The following IL21R variants were observed in gnomAD, a reference collection of about 807,000 sequenced individuals.
IL21R encodes the protein interleukin 21 receptor.
In IL21R, 14 loss-of-function variants were observed where a neutral mutation model predicts 41.3. The observed-to-expected ratio is 0.34, with a 90% confidence interval of 0.22 to 0.53. The LOEUF is 0.53. IL21R is among the 20% of genes least tolerant of loss of function. The pLI, the probability that IL21R is intolerant of heterozygous loss-of-function variation, is 0.94. For synonymous variants in IL21R, 286 were observed against 287.6 expected (o/e 0.99, Z 0.05); for missense variants, 588 against 681.6 (o/e 0.86, Z 1.53).
At chr16:27,423,294 A>G (rs2087025547) in intron 1 of IL21R, among the ~76,000 whole-genome samples, 1 of 151,850 alleles carries the variant, frequency 6.6e-6, no homozygotes, top group Non-Finnish European at 1.5e-5. Flanking sequence ...CAGCTACTTC[A>G]TTATAGCCAG....
At chr16:27,443,747 C>T (rs1054583491) in intron 5 of IL21R, among the ~76,000 whole-genome samples, 1 of 150,814 alleles carries the variant, frequency 6.6e-6, no homozygotes. Context: ...CGCGCTACTG[C>T]ACTCTAGCCT....
At chr16:27,439,331 C>T (rs1329846529) in intron 4 of IL21R, among the ~76,000 whole-genome samples, 1 of 151,826 alleles carries the variant, frequency 6.6e-6, no homozygotes, top group Admixed American at 6.6e-5. Context: ...CTCTTGCTCT[C>T]TCTCACTCTC....
chr16:27,448,712 C>T lies in IL21R; in HGVS notation c.1046C>T (p.Pro349Leu), dbSNP rs767216756. ...ELVESDGVPK[P>L]SFWPTAQNSG... Reference sequence around the variant, plus strand: ...GTGGAGTCTGACGGTGTGCCCAAGCCCAGCTTCTGGCCGACAGCCCAGAAC... The same window carrying T: ...GTGGAGTCTGACGGTGTGCCCAAGCTCAGCTTCTGGCCGACAGCCCAGAAC... The change falls in exon 9 of 9, where the codon CCC (proline) becomes CTC (leucine). Residue 349 changes from proline to leucine, a missense_variant. By Grantham distance (98) the Pro-to-Leu change is moderately conservative. Transcript: ENST00000337929. The T allele has an allele frequency of 5.6e-6, 9 of 1,613,222 alleles. No individual in the cohort carries two copies. In the South Asian group the frequency reaches 7.7e-5, roughly 14 times the overall value.
intron 1 of IL21R, among the ~76,000 whole-genome samples, chr16:27,404,376 G>A (rs1283856570): frequency 2.6e-5 from 4 of 152,154 alleles, no homozygotes; most frequent in Non-Finnish European, 5.9e-5. Flanking sequence ...TTCAGGCTAG[G>A]AGAAGAAACT....
chr16:27,442,318 C>T (rs2087403043), intron 4 of IL21R, among the ~76,000 whole-genome samples: 1 of 152,090 alleles, frequency 6.6e-6, no homozygotes, highest in African/African-American at 2.4e-5. Flanking sequence ...GAAAAGCTGA[C>T]CACTCTGTGC....
At chr16:27,440,242 TATATATAGAGAG>T (rs1205948925) in intron 4 of IL21R, among the ~76,000 whole-genome samples, 22 of 87,022 alleles carry the variant, frequency 2.5e-4, no homozygotes, top group African/African-American at 1.1e-3. Flanking sequence ...TATATATATA[TATATATAGAGAG>T]AGAGAGAGAG....
rs376881626 is a variant in IL21R, at chr16:27,411,443, T to G, written c.-17+8825T>G. Among the ~76,000 whole-genome samples, 14 of 148,624 alleles carry G rather than the reference T, an allele frequency of 9.4e-5. No individual in the cohort carries two copies. In the East Asian group the frequency reaches 2.4e-3, roughly 25 times the overall value. Reference sequence around the variant, plus strand: ...TCTTCTTTGGGGAAATGTCTATTCATGTCCTTTGTCCTTTTTTTTTTTTTT... The same window carrying G: ...TCTTCTTTGGGGAAATGTCTATTCAGGTCCTTTGTCCTTTTTTTTTTTTTT... On this transcript the variant is annotated intron_variant, in intron 1 of 8. Coordinates refer to ENST00000337929, the MANE Select transcript of IL21R (RefSeq NM_181078.3).
At position 27,437,791 on chromosome 16, in the gene IL21R, T is replaced by C. The variant is rs2087300109; in HGVS notation, c.352+104T>C. The C allele has an allele frequency of 8.0e-6, 7 of 880,358 alleles. No individual in the cohort carries two copies. In the East Asian group the frequency reaches 1.8e-4, roughly 23 times the overall value. 54.5% of individuals were successfully genotyped at this position (880,358 alleles called of 1,614,324 possible). ...GATCCTCCCACCTCAGCCTCCCGTG[T>C]AGCTGGGACAACAGGTGTACACCAC... On this transcript the variant is annotated intron_variant, in intron 4 of 8. Coordinates refer to ENST00000337929, the MANE Select transcript of IL21R (RefSeq NM_181078.3).
rs567890629 is a variant in IL21R, at chr16:27,423,007, C to T, written c.-16-7049C>T. ...TAGCTGGGTACTCACCAGGGCCCAT[C>T]TTTTTTTTGCCAGGCCCTGAACTCT... On this transcript the variant is annotated intron_variant, in intron 1 of 8. Transcript: ENST00000337929. 1.2e-4 allele frequency among the ~76,000 whole-genome samples: 19 copies of T among 152,016 alleles called. No homozygotes were observed. In the South Asian group the frequency reaches 3.5e-3, roughly 28 times the overall value.
chr16:27,446,104 T>C lies in IL21R; in HGVS notation c.867+16T>C, dbSNP rs1386860376. 3.1e-6 allele frequency: 5 copies of C among 1,607,212 alleles called. No homozygotes were observed. The highest frequency in any genetic ancestry group is 4.5e-5 in the East Asian group (2 of 44,792). On this transcript the variant is annotated intron_variant, in intron 8 of 8. Transcript: ENST00000337929. The stretch of plus-strand genomic sequence containing the variant: ...AGACTTCAAGGTGAGCTCCCGACCC[T>C]GTGATGAGCTCCTCGGAGCCCCTCC...
At position 27,448,902 on chromosome 16, in the gene IL21R, A is replaced by C. The variant is rs772608088; in HGVS notation, c.1236A>C (p.Pro412=). ...LDLDAGLEPS[P]GLEDPLLDAG... ...TGGATGCTGGCCTGGAGCCCAGCCC[A>C]GGCCTAGAGGACCCACTCTTGGATG... Residue 412 remains proline (P), a synonymous_variant, in exon 9 of 9, where the codon CCA becomes CCC. Coordinates refer to ENST00000337929, the MANE Select transcript of IL21R (RefSeq NM_181078.3). The C allele has an allele frequency of 4.3e-6, 7 of 1,611,412 alleles. No homozygotes were observed. In the South Asian group the frequency reaches 6.6e-5, roughly 15 times the overall value.
chr16:27,440,244 TATATAGAG>T (rs1442938956), intron 4 of IL21R, among the ~76,000 whole-genome samples: 22 of 82,590 alleles, frequency 2.7e-4, no homozygotes, highest in South Asian at 1.3e-3. Context: ...TATATATATA[TATATAGAG>T]AGAGAGAGAG....
At position 27,446,098 on chromosome 16, in the gene IL21R, C is replaced by T. The variant is rs1291464005; in HGVS notation, c.867+10C>T. The T allele has an allele frequency of 9.3e-6, 15 of 1,610,644 alleles. No homozygotes were observed. The highest frequency in any genetic ancestry group is 1.7e-4 in the Middle Eastern group (1 of 6,018). On this transcript the variant is annotated intron_variant, in intron 8 of 8. Coordinates refer to ENST00000337929, the MANE Select transcript of IL21R (RefSeq NM_181078.3). ...CAGCGGAGACTTCAAGGTGAGCTCC[C>T]GACCCTGTGATGAGCTCCTCGGAGC... is the stretch of plus-strand genomic sequence containing the variant.
At chr16:27,442,774 T>A in intron 4 of IL21R, 188 bp from the exon 5 acceptor site, 1 of 508,702 alleles carries the variant, frequency 2.0e-6, no homozygotes, top group Non-Finnish European at 3.5e-6. Flanking sequence ...CCCAGATGAA[T>A]AAACTGAAGC....
At chr16:27,439,458 AC>A (rs1413063785) in intron 4 of IL21R, among the ~76,000 whole-genome samples, 2 of 152,050 alleles carry the variant, frequency 1.3e-5, no homozygotes, top group Non-Finnish European at 2.9e-5. Flanking sequence ...ACACACTCAC[AC>A]ATGCATTCTC....
At chr16:27,433,846 T>C (rs1200798756) in intron 2 of IL21R, among the ~76,000 whole-genome samples, 2 of 152,180 alleles carry the variant, frequency 1.3e-5, no homozygotes, top group South Asian at 2.1e-4. Context: ...GTCCTGTGGA[T>C]CCAACTTCTG....
At chr16:27,427,474 C>A in intron 1 of IL21R, 1 of 248,758 alleles carries the variant, frequency 4.0e-6, no homozygotes, top group Non-Finnish European at 6.4e-6. Flanking sequence ...TGGCTCACTG[C>A]AGCCTGGACC....
Position 27,430,078 on chromosome 16 carries a change from C to G in IL21R, c.7C>G (p.Arg3Gly), listed in dbSNP as rs1385136152. Residue 3 changes from arginine to glycine, a missense_variant, in exon 2 of 9, where the codon CGT (arginine) becomes GGT (glycine). Arg to Gly is a moderately radical substitution (Grantham distance 125). Transcript: ENST00000337929. ...CAGGCCCGTGGGAGTCAGCATGCCG[C>G]GTGGCTGGGCCGCCCCCTTGCTCCT... MP[R>G]GWAAPLLLLL... The G allele has an allele frequency of 6.2e-7, 1 of 1,606,230 alleles. No individual in the cohort carries two copies.
Position 27,422,790 on chromosome 16 carries a change from C to T in IL21R, c.-16-7266C>T, listed in dbSNP as rs115923024. Among the ~76,000 whole-genome samples the T allele has an allele frequency of 3.8e-3, 585 of 152,010 alleles. 5 individuals are homozygous for T. The highest frequency in any genetic ancestry group is 0.012 in the African/African-American group (511 of 41,450). On this transcript the variant is annotated intron_variant, in intron 1 of 8. Coordinates refer to ENST00000337929, the MANE Select transcript of IL21R (RefSeq NM_181078.3). ...CATTTGATACTGCTTGTTGGTTTAC[C>T]TTGTAATTTTAACTGAAAGTTGGAC...
Sources: gnomAD v4.1 joint callset for allele counts (sites outside exome capture counted in the v4.1 genomes callset) on GRCh38, gnomAD v4.1.1 for gene constraint, MANE v1.5 for transcripts, NCBI Gene and HGNC (gene_info 2026-07-23, HGNC 2026-07-21) for gene names.